LRRTM4: variants seen among roughly 807,000 people sequenced by gnomAD.
The protein encoded by LRRTM4 is leucine-rich repeat transmembrane neuronal protein 4.
Under a neutral mutation model 47.6 loss-of-function variants are expected in LRRTM4, and 25 were observed. The ratio of observed to expected loss-of-function variants is 0.53; its 90% CI spans 0.38 to 0.73. The LOEUF (loss-of-function observed/expected upper bound fraction) is 0.73, where lower values mean the gene tolerates loss of function less well. Ranked by LOEUF, LRRTM4 falls within the 30% of genes least tolerant of loss-of-function variation. The pLI is 0.00. For missense variants in LRRTM4, 638 were observed against 713.4 expected (o/e 0.89, Z 1.20); for synonymous variants, 311 against 269.5 (o/e 1.15, Z -1.51).
At chr2:77,300,347 A>C (rs953980146) in intron 3 of LRRTM4, among the ~76,000 whole-genome samples, 2 of 152,174 alleles carry the variant, frequency 1.3e-5, no homozygotes, top group Non-Finnish European at 2.9e-5. Flanking sequence ...AAAATTAGAA[A>C]TATTTTAAAC....
At chr2:76,810,362 G>T (rs1236603036) in intron 3 of LRRTM4, among the ~76,000 whole-genome samples, 1 of 152,000 alleles carries the variant, frequency 6.6e-6, no homozygotes. Flanking sequence ...TCCACCAAAA[G>T]AATATAACCT....
At chr2:77,237,722 A>G (rs1335773382) in intron 3 of LRRTM4, among the ~76,000 whole-genome samples, 1 of 152,132 alleles carries the variant, frequency 6.6e-6, no homozygotes, top group African/African-American at 2.4e-5. Context: ...GGTGGAATAA[A>G]TCTGGAGAAA....
chr2:77,231,716 C>T (rs745867893), intron 3 of LRRTM4, among the ~76,000 whole-genome samples: 4 of 152,024 alleles, frequency 2.6e-5, no homozygotes, highest in Non-Finnish European at 5.9e-5. Context: ...ATGGAGCTCA[C>T]AGTGTAGTGT....
chr2:77,018,259 C>CTTTTTTTTTTTTTTTTTTTTTTTTTTTTT lies in LRRTM4; in HGVS notation c.1552-269344_1552-269343insAAAAAAAAAAAAAAAAAAAAAAAAAAAAA, dbSNP rs59294966. On this transcript the variant is annotated intron_variant, in intron 3 of 3. Coordinates refer to ENST00000409884, the MANE Select transcript of LRRTM4 (RefSeq NM_001134745.3). ...CCATGTAATGCTAAGCTCTTGATTG[C>CTTTTTTTTTTTTTTTTTTTTTTTTTTTTT]TTTTTTTTTTTTTTTTTTGTCTTTG... Among the ~76,000 whole-genome samples the CTTTTTTTTTTTTTTTTTTTTTTTTTTTTT allele has an allele frequency of 1.2e-3, 89 of 75,026 alleles. 3 individuals are homozygous for CTTTTTTTTTTTTTTTTTTTTTTTTTTTTT. The highest frequency in any genetic ancestry group is 2.3e-3 in the South Asian group (4 of 1,706). The allele number at this position is 75,026 out of a possible 152,430, so 49.2% of individuals were successfully genotyped here.
At chr2:76,757,770 A>G (rs1312835216) in intron 3 of LRRTM4, among the ~76,000 whole-genome samples, 2 of 152,180 alleles carry the variant, frequency 1.3e-5, no homozygotes, top group Non-Finnish European at 2.9e-5. Context: ...AATGACATAC[A>G]GAAGACAAGT....
At chr2:76,911,646 A>T (rs147601127) in intron 3 of LRRTM4, among the ~76,000 whole-genome samples, 2 of 152,240 alleles carry the variant, frequency 1.3e-5, no homozygotes, top group East Asian at 3.9e-4. Context: ...AGAAAGAGCC[A>T]GAGAGAGAAG....
chr2:76,806,488 G>A (rs1000621921), intron 3 of LRRTM4, among the ~76,000 whole-genome samples: 2 of 152,108 alleles, frequency 1.3e-5, no homozygotes, highest in African/African-American at 4.8e-5. Flanking sequence ...GGCTGATGAA[G>A]GAGAATTTCT....
At chr2:77,340,096 T>C (rs1671315682) in intron 3 of LRRTM4, among the ~76,000 whole-genome samples, 1 of 151,980 alleles carries the variant, frequency 6.6e-6, no homozygotes, top group Admixed American at 6.6e-5. Context: ...ATATTTTCAA[T>C]GCAGTTTTCA....
intron 3 of LRRTM4, among the ~76,000 whole-genome samples, chr2:76,855,468 T>C (rs1672121337): frequency 2.0e-5 from 3 of 152,218 alleles, no homozygotes; most frequent in African/African-American, 7.2e-5. Flanking sequence ...AAACACTTCA[T>C]AAAATTTCTG....
intron 3 of LRRTM4, among the ~76,000 whole-genome samples, chr2:77,233,769 T>TCGC (rs1451606482): frequency 3.7e-4 from 41 of 111,496 alleles, no homozygotes; most frequent in African/African-American, 1.1e-3. Flanking sequence ...TTTCTGTTTG[T>TCGC]TGCTGTTGTT....
At position 77,447,856 on chromosome 2, in the gene LRRTM4, G is replaced by T. The variant is rs180784258; in HGVS notation, c.1551+70462C>A. 5.5e-4 allele frequency among the ~76,000 whole-genome samples: 83 copies of T among 152,228 alleles called. 3 individuals are homozygous for T. The highest frequency in any genetic ancestry group is 5.4e-3 in the Admixed American group (82 of 15,282). On this transcript the variant is annotated intron_variant, in intron 3 of 3. Transcript: ENST00000409884. The stretch of plus-strand genomic sequence containing the variant: ...TTAATGATGTTGGCAAACATTCCTC[G>T]TGTTGTTGGATTTAGCTCACTGTTT...
At chr2:77,049,157 T>TATATATATATATATATAC (rs1351971551) in intron 3 of LRRTM4, among the ~76,000 whole-genome samples, 3 of 106,354 alleles carry the variant, frequency 2.8e-5, no homozygotes, top group African/African-American at 1.0e-4. Context: ...TATATATATA[T>TATATATATATATATATAC]ACACACACAC....
At chr2:76,858,750 A>T (rs763047301) in intron 3 of LRRTM4, among the ~76,000 whole-genome samples, 27 of 152,314 alleles carry the variant, frequency 1.8e-4, no homozygotes, top group Non-Finnish European at 3.4e-4. Flanking sequence ...GAGAATATGG[A>T]TCTCTATCAC....
intron 3 of LRRTM4, among the ~76,000 whole-genome samples, chr2:76,983,410 C>G (rs1461823868): frequency 1.3e-5 from 2 of 151,940 alleles, no homozygotes. Flanking sequence ...GGCGGTTTCC[C>G]CCATACTGTT....
intron 3 of LRRTM4, among the ~76,000 whole-genome samples, chr2:77,048,885 T>G (rs1047703816): frequency 6.6e-6 from 1 of 151,470 alleles, no homozygotes; most frequent in Non-Finnish European, 1.5e-5. Context: ...AGCTGTAATT[T>G]AGTATCCTTT....
At chr2:77,351,063 C>A (rs1431162061) in intron 3 of LRRTM4, among the ~76,000 whole-genome samples, 1 of 152,096 alleles carries the variant, frequency 6.6e-6, no homozygotes, top group Non-Finnish European at 1.5e-5. Context: ...TGAGCCTCTC[C>A]TTCCTCCCAC....
intron 3 of LRRTM4, among the ~76,000 whole-genome samples, chr2:76,858,902 G>C (rs556454671): frequency 6.6e-6 from 1 of 152,220 alleles, no homozygotes; most frequent in Admixed American, 6.5e-5. Flanking sequence ...GGAACTTCAA[G>C]ACTCTGGTAC....
At chr2:77,266,984 G>A (rs1676066785) in intron 3 of LRRTM4, among the ~76,000 whole-genome samples, 1 of 151,978 alleles carries the variant, frequency 6.6e-6, no homozygotes, top group South Asian at 2.1e-4. Context: ...TGATCAAAGG[G>A]GTCCTTCCCC....
Position 77,518,479 on chromosome 2 carries a change from T to C in LRRTM4, c.1390A>G (p.Lys464Glu). The change falls in exon 3 of 4, where the codon AAG becomes GAG. Residue 464 changes from lysine (K) to glutamate (E), a missense_variant. Transcript: ENST00000409884. The part of the protein sequence containing the change: ...MKQLQQHSLM[K>E]RRRKKARESE... Reference sequence around the variant, plus strand: ...TCTCTGGCCTTTTTCCGCCGCCTCTTCATAAGAGAGTGTTGCTGGAGTTGT... The same window carrying C: ...TCTCTGGCCTTTTTCCGCCGCCTCTCCATAAGAGAGTGTTGCTGGAGTTGT... 1 of 1,613,420 alleles carries C rather than the reference T, an allele frequency of 6.2e-7. No homozygotes were observed.
Sources: gnomAD v4.1 joint callset for allele counts (sites outside exome capture counted in the v4.1 genomes callset) on GRCh38, gnomAD v4.1.1 for gene constraint, MANE v1.5 for transcripts, NCBI Gene and HGNC (gene_info 2026-07-23, HGNC 2026-07-21) for gene names.